Variants in BRAF observed in about 807,000 individuals in gnomAD.
BRAF encodes serine/threonine-protein kinase B-raf.
A neutral mutation model predicts 104.6 loss-of-function variants in BRAF; 16 were observed. The ratio of observed to expected loss-of-function variants is 0.15; its 90% confidence interval spans 0.10 to 0.23. The LOEUF is 0.23. Among genes scored for constraint, BRAF ranks in the 10% least tolerant of loss-of-function variants. The probability of loss-of-function intolerance (pLI) is 1.00; values close to 1 mark genes in which losing one functional copy is unlikely to be tolerated. For synonymous variants in BRAF, 310 were observed against 341.6 expected (o/e 0.91, Z 1.02); for missense variants, 541 against 937.3 (o/e 0.58, Z 5.52).
chr7:140,760,381 C>A (rs1286635881), intron 14 of BRAF, among the ~76,000 whole-genome samples: 13 of 150,098 alleles, frequency 8.7e-5, no homozygotes, highest in Non-Finnish European at 4.4e-5. Context: ...CCATTGTACT[C>A]CAGCCTGAGG....
chr7:140,901,464 A>G (rs548843414), intron 1 of BRAF, among the ~76,000 whole-genome samples: 10 of 152,296 alleles, frequency 6.6e-5, no homozygotes, highest in African/African-American at 1.4e-4. Flanking sequence ...TTTTTAAAGT[A>G]TATTTTGGCT....
chr7:140,835,002 A>G, intron 2 of BRAF, 130 bp from the exon 3 acceptor site: 5 of 997,416 alleles, frequency 5.0e-6, no homozygotes, highest in East Asian at 2.4e-5. Flanking sequence ...AAATTACAAA[A>G]TAAGTGCCAG....
At position 140,811,499 on chromosome 7, in the gene BRAF, A is replaced by C. The variant is rs764124779; in HGVS notation, c.505-2504T>G. On this transcript the variant is annotated intron_variant, in intron 3 of 19. Transcript: ENST00000644969. The stretch of plus-strand genomic sequence containing the variant: ...AGCTGACAATGTTAGACAACCCAGC[A>C]GGGAGTCTATGTATCAAAGAGCTCC... 3.9e-5 allele frequency among the ~76,000 whole-genome samples: 6 copies of C among 152,198 alleles called. No individual in the cohort carries two copies. The East Asian group carries it at 1.2e-3, about 29-fold the overall frequency.
rs530714079 is a variant in BRAF, at chr7:140,720,945, G to A, written c.*5549C>T. The A allele has an allele frequency of 5.2e-5, 55 of 1,065,512 alleles. No individual in the cohort carries two copies. The highest frequency in any genetic ancestry group is 5.8e-5 in the Non-Finnish European group (51 of 879,428). 66.0% of individuals were successfully genotyped at this position (1,065,512 alleles called of 1,614,324 possible). A position where few individuals can be genotyped will look rare whatever the true frequency, so the allele number is the denominator to read the frequency against. On this transcript the variant is annotated 3_prime_UTR_variant, in exon 20 of 20. Transcript: ENST00000644969. ...GCATATGTGCTGTACATGAGAACCA[G>A]CGGTCACGGTGCTGGAGAATGAACT...
chr7:140,814,625 A>G (rs1804624490), intron 3 of BRAF, among the ~76,000 whole-genome samples: 1 of 151,262 alleles, frequency 6.6e-6, no homozygotes, highest in Non-Finnish European at 1.5e-5. Context: ...AGACTGTGCC[A>G]CTGCACTCCA....
intron 10 of BRAF, chr7:140,783,603 C>T (rs560375958): frequency 0.012 from 2,673 of 231,284 alleles, 28 homozygotes; most frequent in Middle Eastern, 0.022. Context: ...AAGGAAATCC[C>T]CAGATGGAAA....
In BRAF at chr7:140,798,677, A is replaced by C. The variant is rs958352145; in HGVS notation, c.980+1685T>G. ...TGTCAGAAATGTTCCAAAGCTAATT[A>C]GGTGCAGTGTCTCACGCCTGTAATT... On this transcript the variant is annotated intron_variant, in intron 7 of 19. Coordinates refer to ENST00000644969, the MANE Select transcript of BRAF (RefSeq NM_001374258.1). 2.7e-5 allele frequency among the ~76,000 whole-genome samples: 4 copies of C among 150,888 alleles called. No individual in the cohort carries two copies. The Admixed American group carries it at 2.7e-4, about 10-fold the overall frequency.
intron 3 of BRAF, among the ~76,000 whole-genome samples, chr7:140,813,229 G>T (rs978063712): frequency 6.6e-6 from 1 of 151,976 alleles, no homozygotes; most frequent in Admixed American, 6.6e-5. Context: ...AGAGAAAAAG[G>T]GAAAAATATA....
chr7:140,831,016 TG>T (rs1409594662), intron 3 of BRAF, among the ~76,000 whole-genome samples: 2 of 152,210 alleles, frequency 1.3e-5, no homozygotes, highest in East Asian at 3.8e-4. Flanking sequence ...AGTCACAACC[TG>T]GAACTTGGGA....
intron 1 of BRAF, among the ~76,000 whole-genome samples, chr7:140,894,890 C>T (rs1028588668): frequency 1.6e-4 from 25 of 152,220 alleles, no homozygotes; most frequent in South Asian, 2.1e-4. Context: ...AAAGAATGGG[C>T]CCAGTGGTTA....
intron 2 of BRAF, among the ~76,000 whole-genome samples, chr7:140,847,947 T>A (rs1375736246): frequency 6.6e-6 from 1 of 152,184 alleles, no homozygotes; most frequent in African/African-American, 2.4e-5. Context: ...ACACACACAT[T>A]GTATACCACA....
chr7:140,732,295 G>A (rs1339237431), intron 19 of BRAF: 1 of 130,916 alleles, frequency 7.6e-6, no homozygotes, highest in Non-Finnish European at 1.6e-5. Context: ...ATGTTCTTTT[G>A]TTTCAATTAC....
chr7:140,727,834 G>A (rs567962756), intron 19 of BRAF, among the ~76,000 whole-genome samples: 20 of 151,512 alleles, frequency 1.3e-4, no homozygotes, highest in African/African-American at 3.6e-4. Context: ...TGTTAGTTAG[G>A]ATGGTCTCTA....
At chr7:140,785,137 C>G (rs565700930) in intron 10 of BRAF, among the ~76,000 whole-genome samples, 2 of 151,948 alleles carry the variant, frequency 1.3e-5, no homozygotes, top group Non-Finnish European at 2.9e-5. Flanking sequence ...TAACAGCTCC[C>G]TACCTTTGAC....
intron 1 of BRAF, among the ~76,000 whole-genome samples, chr7:140,880,954 T>C (rs1023390546): frequency 5.3e-5 from 8 of 152,188 alleles, no homozygotes; most frequent in Admixed American, 1.3e-4. Flanking sequence ...TGAGACCCTG[T>C]CTCAAAACAA....
Position 140,847,128 on chromosome 7 carries a change from T to C in BRAF, c.240+2983A>G, listed in dbSNP as rs567848096. Among the ~76,000 whole-genome samples, 57 of 152,068 alleles carry C rather than the reference T, an allele frequency of 3.7e-4. No homozygotes were observed. The South Asian group carries it at 0.012, about 32-fold the overall frequency. ...GAGATCGTGCTACTGCATGCCAGAC[T>C]GGGCAACAGAGCGAGACTCCATCTC... On this transcript the variant is annotated intron_variant, in intron 2 of 19. Coordinates refer to ENST00000644969, the MANE Select transcript of BRAF (RefSeq NM_001374258.1).
At chr7:140,800,330 C>G (rs1802958422) in intron 7 of BRAF, 32 bp downstream of exon 7, 1 of 1,613,812 alleles carries the variant, frequency 6.2e-7, no homozygotes, top group Non-Finnish European at 8.5e-7. Context: ...GTTCAAGTAG[C>G]ATGTCGCCCA....
At chr7:140,759,375 G>C (rs1214427492) in intron 14 of BRAF, among the ~76,000 whole-genome samples, 5 of 152,154 alleles carry the variant, frequency 3.3e-5, no homozygotes, top group Admixed American at 6.5e-5. Context: ...TTGTATTGCT[G>C]GTTCTGATTA....
rs528184419 is a variant in BRAF at position 140,879,874 on chromosome 7, G to A, written c.139-29662C>T. 6.6e-5 allele frequency among the ~76,000 whole-genome samples: 10 copies of A among 152,108 alleles called. No homozygotes were observed. The East Asian group carries it at 1.9e-3, about 29-fold the overall frequency. On this transcript the variant is annotated intron_variant, in intron 1 of 19. Coordinates refer to ENST00000644969, the MANE Select transcript of BRAF (RefSeq NM_001374258.1). ...AGCCTCCCAAGTAGCTGGGATTACA[G>A]GTGCGTGCCACCACGACTTGCTAAG...
Sources: gnomAD v4.1 joint callset for allele counts (sites outside exome capture counted in the v4.1 genomes callset) on GRCh38, gnomAD v4.1.1 for gene constraint, MANE v1.5 for transcripts, NCBI Gene and HGNC (gene_info 2026-07-23, HGNC 2026-07-21) for gene names.